Variants in UNC5D observed in about 807,000 individuals in gnomAD.
The protein encoded by UNC5D is unc-5 netrin receptor D.
In UNC5D, 39 loss-of-function variants were observed where a neutral mutation model predicts 105.4. The observed-to-expected ratio is 0.37, with a 90% CI of 0.29 to 0.48. The LOEUF is 0.48. Among genes scored for constraint, UNC5D ranks in the 20% least tolerant of loss-of-function variants. UNC5D has a pLI of 0.98. For missense variants in UNC5D, 991 were observed against 1,202.4 expected (o/e 0.82, Z 2.60); for synonymous variants, 452 against 450.4 (o/e 1.00, Z -0.04).
rs980446664 is a variant in UNC5D, at chr8:35,795,566, A to G, written c.*5003A>G. On this transcript the variant is annotated 3_prime_UTR_variant, in exon 17 of 17. Transcript: ENST00000404895. ...GACATTACAATCAGAAATAGACCTA[A>G]TAATTCCAATATCCCTCCATTAACT... The G allele has an allele frequency of 2.6e-5, 4 of 152,176 alleles. No individual in the cohort carries two copies. Among genetic ancestry groups the G allele is most frequent in the African/African-American group, 9.7e-5 (4 of 41,448 alleles). The allele number at this position is 152,176 out of a possible 1,614,324, so 9.4% of individuals were successfully genotyped here. A position where few individuals can be genotyped will look rare whatever the true frequency, so the allele number is the denominator to read the frequency against.
intron 4 of UNC5D, among the ~76,000 whole-genome samples, chr8:35,617,127 T>C (rs1236107107): frequency 6.6e-6 from 1 of 152,166 alleles, no homozygotes; most frequent in African/African-American, 2.4e-5. Flanking sequence ...CTTTGTTTCT[T>C]AGGCTGAGCT....
intron 1 of UNC5D, among the ~76,000 whole-genome samples, chr8:35,306,364 A>C (rs1183886143): frequency 6.6e-6 from 1 of 152,036 alleles, no homozygotes; most frequent in Admixed American, 6.6e-5. Flanking sequence ...TTAAAATATA[A>C]TTTTATAAGC....
chr8:35,778,453 G>A (rs547809462), intron 16 of UNC5D, among the ~76,000 whole-genome samples: 9 of 152,264 alleles, frequency 5.9e-5, no homozygotes, highest in African/African-American at 2.2e-4. Context: ...TCCAAATAAT[G>A]TAGTCTAGAA....
intron 14 of UNC5D, among the ~76,000 whole-genome samples, chr8:35,762,566 T>A (rs1323535637): frequency 6.6e-6 from 1 of 152,180 alleles, no homozygotes; most frequent in Non-Finnish European, 1.5e-5. Flanking sequence ...TCTACCACAT[T>A]AGGAATATGT....
chr8:35,366,512 G>A (rs1323867336), intron 1 of UNC5D, among the ~76,000 whole-genome samples: 2 of 152,024 alleles, frequency 1.3e-5, no homozygotes, highest in East Asian at 3.9e-4. Context: ...TGTTTTGTCA[G>A]CTCATCTAGC....
intron 1 of UNC5D, among the ~76,000 whole-genome samples, chr8:35,387,019 C>CT (rs1332253263): frequency 2.0e-5 from 3 of 151,652 alleles, no homozygotes; most frequent in African/African-American, 4.8e-5. Flanking sequence ...AGGAATTCCC[C>CT]CCCTGCTGTA....
At chr8:35,561,637 G>A (rs1246568796) in intron 2 of UNC5D, among the ~76,000 whole-genome samples, 7 of 152,122 alleles carry the variant, frequency 4.6e-5, no homozygotes, top group Admixed American at 4.6e-4. Flanking sequence ...GAACCATTTT[G>A]AGATAGTGAT....
At chr8:35,341,201 A>T (rs1265581326) in intron 1 of UNC5D, among the ~76,000 whole-genome samples, 4 of 151,956 alleles carry the variant, frequency 2.6e-5, no homozygotes, top group African/African-American at 4.8e-5. Flanking sequence ...AATTTTTTCC[A>T]TTATAATCTA....
intron 1 of UNC5D, among the ~76,000 whole-genome samples, chr8:35,359,234 T>C (rs1453487264): frequency 6.6e-6 from 1 of 152,260 alleles, no homozygotes; most frequent in East Asian, 1.9e-4. Context: ...TTTATTTTGC[T>C]GTGTGTTCTT....
chr8:35,573,393 A>G (rs910885313), intron 3 of UNC5D, among the ~76,000 whole-genome samples: 1 of 152,056 alleles, frequency 6.6e-6, no homozygotes, highest in Non-Finnish European at 1.5e-5. Context: ...GTTGTCTGCT[A>G]TGATCGCGCC....
At chr8:35,289,221 C>G (rs1004571357) in intron 1 of UNC5D, among the ~76,000 whole-genome samples, 6 of 151,946 alleles carry the variant, frequency 3.9e-5, no homozygotes, top group Non-Finnish European at 5.9e-5. Context: ...TTACATTAGA[C>G]AAAATATAGT....
Position 35,549,388 on chromosome 8 carries a change from A to T in UNC5D, c.200A>T (p.Lys67Met). The change falls in exon 2 of 17, where the codon AAG becomes ATG. Residue 67 changes from lysine to methionine, a missense_variant. Transcript: ENST00000404895. ...GAGCCAGATGATGCTTATATTATCA[A>T]GAGCAACCCTATTGCACTCAGGTGC... ...IEEPDDAYII[K>M]SNPIALRCKA... 6.2e-7 allele frequency: 1 copy of T among 1,613,558 alleles called. No homozygotes were observed. Among genetic ancestry groups the T allele is most frequent in the East Asian group, 2.2e-5 (1 of 44,880 alleles).
chr8:35,551,138 G>A (rs977951082), intron 2 of UNC5D, among the ~76,000 whole-genome samples: 20 of 152,144 alleles, frequency 1.3e-4, no homozygotes, highest in African/African-American at 4.6e-4. Context: ...TGGAAGAAAT[G>A]TTGGTAAGCA....
intron 1 of UNC5D, among the ~76,000 whole-genome samples, chr8:35,296,376 A>T (rs1214711805): frequency 6.6e-6 from 1 of 152,036 alleles, no homozygotes; most frequent in African/African-American, 2.4e-5. Context: ...GTGTTCTCTC[A>T]TTGTGGTTTT....
At chr8:35,372,529 T>G (rs1433919681) in intron 1 of UNC5D, among the ~76,000 whole-genome samples, 1 of 152,204 alleles carries the variant, frequency 6.6e-6, no homozygotes, top group Non-Finnish European at 1.5e-5. Context: ...TGTTTGATAT[T>G]TGAACCTGAA....
In UNC5D at chr8:35,587,965, A is replaced by AATATATATATATATATATATAT. The variant is rs57681405; in HGVS notation, c.467-7581_467-7560dup. On this transcript the variant is annotated intron_variant, in intron 3 of 16. Transcript: ENST00000404895. ...TTAGGGTTTTTCCTATAACTATAAT[A>AATATATATATATATATATATAT]ATATATATATATATATATATATATA... 2.3e-3 allele frequency among the ~76,000 whole-genome samples: 241 copies of AATATATATATATATATATATAT among 104,972 alleles called. 4 individuals are homozygous for AATATATATATATATATATATAT. The highest frequency in any genetic ancestry group is 4.5e-3 in the Admixed American group (39 of 8,748). The allele number at this position is 104,972 out of a possible 152,430, so 68.9% of individuals were successfully genotyped here. A position where few individuals can be genotyped will look rare whatever the true frequency, so the allele number is the denominator to read the frequency against.
chr8:35,514,470 G>T (rs756505774), intron 1 of UNC5D, among the ~76,000 whole-genome samples: 2 of 152,180 alleles, frequency 1.3e-5, no homozygotes, highest in Admixed American at 6.5e-5. Context: ...AAAGCCCAGC[G>T]CATTTCTAGG....
chr8:35,445,108 T>G (rs1462109436), intron 1 of UNC5D, among the ~76,000 whole-genome samples: 1 of 151,946 alleles, frequency 6.6e-6, no homozygotes, highest in Non-Finnish European at 1.5e-5. Flanking sequence ...ATTATTCTGT[T>G]GGTATCAGAG....
At chr8:35,612,723 C>CTTT (rs57450378) in intron 4 of UNC5D, among the ~76,000 whole-genome samples, 1,756 of 64,232 alleles carry the variant, frequency 0.027, 40 homozygotes, top group African/African-American at 0.073. Flanking sequence ...AATGTTTTGC[C>CTTT]TTTTTTTTTT....
Sources: allele counts gnomAD v4.1 joint callset (sites outside exome capture counted in the v4.1 genomes callset), GRCh38; gene constraint gnomAD v4.1.1; transcripts MANE v1.5; gene names NCBI Gene and HGNC (gene_info 2026-07-23, HGNC 2026-07-21).